Variants in NUAK1 observed in about 807,000 individuals in gnomAD.
NUAK1 encodes NUAK family SNF1-like kinase 1.
Under a neutral mutation model 56.9 loss-of-function variants are expected in NUAK1, and 26 were observed. That is an observed-to-expected ratio of 0.46 (90% CI 0.33 to 0.63). The LOEUF is 0.63. NUAK1 is among the 30% of genes least tolerant of loss of function. The pLI is 0.02. For synonymous variants in NUAK1, 337 were observed against 336.0 expected (o/e 1.00, Z -0.03); for missense variants, 727 against 876.1 (o/e 0.83, Z 2.15).
intron 1 of NUAK1, among the ~76,000 whole-genome samples, chr12:106,134,751 C>A (rs1592865921): frequency 1.3e-5 from 2 of 152,148 alleles, no homozygotes. Flanking sequence ...AGAGGCTCAC[C>A]CAGTAGGCCT....
chr12:106,123,398 T>G (rs1170887166), intron 1 of NUAK1, among the ~76,000 whole-genome samples: 1 of 152,212 alleles, frequency 6.6e-6, no homozygotes, highest in Non-Finnish European at 1.5e-5. Context: ...TACTGGGCAC[T>G]TGAAATGTGG....
intron 5 of NUAK1, among the ~76,000 whole-genome samples, chr12:106,072,168 A>G (rs1379308298): frequency 6.6e-6 from 1 of 150,890 alleles, no homozygotes; most frequent in Non-Finnish European, 1.5e-5. Flanking sequence ...TACAAAAAAG[A>G]TATTTACCCC....
At chr12:106,081,414 G>A (rs1415009758) in intron 4 of NUAK1, among the ~76,000 whole-genome samples, 3 of 152,210 alleles carry the variant, frequency 2.0e-5, no homozygotes, top group Non-Finnish European at 2.9e-5. Flanking sequence ...TCTTTGGGAC[G>A]TATGTGTGCA....
chr12:106,092,350 C>G (rs1346375346), intron 2 of NUAK1, among the ~76,000 whole-genome samples: 1 of 152,042 alleles, frequency 6.6e-6, no homozygotes, highest in African/African-American at 2.4e-5. Context: ...AACCCCGTCT[C>G]TACTAAATAT....
intron 1 of NUAK1, among the ~76,000 whole-genome samples, chr12:106,114,411 G>C (rs2032896134): frequency 6.6e-6 from 1 of 152,202 alleles, no homozygotes; most frequent in Admixed American, 6.5e-5. Context: ...TGCAAATGAG[G>C]ATGATGATGG....
At position 106,138,298 on chromosome 12, in the gene NUAK1, G is replaced by A; in HGVS notation, c.240+116C>T. The A allele has an allele frequency of 7.3e-7, 1 of 1,366,260 alleles. No individual in the cohort carries two copies. The highest frequency in any genetic ancestry group is 9.7e-7 in the Non-Finnish European group (1 of 1,033,716). 84.6% of individuals were successfully genotyped at this position (1,366,260 alleles called of 1,614,324 possible). A position where few individuals can be genotyped will look rare whatever the true frequency, so the allele number is the denominator to read the frequency against. Reference sequence around the variant, plus strand: ...GGAGTCTGTCTCGGGGCTTCCCAATGAGCCCCCTCTCTGTCAAGAGAGCCC... The same window carrying A: ...GGAGTCTGTCTCGGGGCTTCCCAATAAGCCCCCTCTCTGTCAAGAGAGCCC... On this transcript the variant is annotated intron_variant, in intron 1 of 6. Transcript: ENST00000261402. The surrounding 1 kb of genome is among the most constrained non-coding windows in gnomAD (Gnocchi z 5.0).
intron 4 of NUAK1, among the ~76,000 whole-genome samples, chr12:106,076,666 G>T (rs1357761847): frequency 6.6e-6 from 1 of 152,204 alleles, no homozygotes; most frequent in Non-Finnish European, 1.5e-5. Flanking sequence ...AAATGAGGAA[G>T]TAATTATTCA....
rs1214115854 is a variant in NUAK1 at position 106,067,762 on chromosome 12, C to G, written c.1026G>C (p.Gln342His). ...CCTTCATTTTGGCTTCGGTGTCAGCCTGCAGCCCTGTGGAACGGTGGTGCC... is the reference window on the plus strand; with the variant it reads ...CCTTCATTTTGGCTTCGGTGTCAGCGTGCAGCCCTGTGGAACGGTGGTGCC... ...IDWHHRSTGL[Q>H]ADTEAKMKGL... The change falls in exon 7 of 7, where the codon CAG becomes CAC. Residue 342 changes from glutamine (Q) to histidine (H), a missense_variant. Coordinates refer to ENST00000261402, the MANE Select transcript of NUAK1 (RefSeq NM_014840.3). This position sits in a 1 kb window ranked among gnomAD's most constrained non-coding sequence, Gnocchi z 6.0. The G allele has an allele frequency of 6.2e-7, 1 of 1,614,198 alleles. No individual in the cohort carries two copies.
chr12:106,109,805 G>A (rs1380113008), intron 1 of NUAK1, among the ~76,000 whole-genome samples: 1 of 152,138 alleles, frequency 6.6e-6, no homozygotes, highest in African/African-American at 2.4e-5. Context: ...GTCCTGGTAA[G>A]GATTACACAT....
rs1158753070 is a variant in NUAK1, at chr12:106,063,402, G to A, written c.*3400C>T. Reference sequence around the variant, plus strand: ...TAAAAACAGAAACAAAAACCAAAATGAAACAAAAATCAGTTTCCAACGAAA... The same window carrying A: ...TAAAAACAGAAACAAAAACCAAAATAAAACAAAAATCAGTTTCCAACGAAA... On this transcript the variant is annotated 3_prime_UTR_variant, in exon 7 of 7. Coordinates refer to ENST00000261402, the MANE Select transcript of NUAK1 (RefSeq NM_014840.3). The A allele has an allele frequency of 1.3e-5, 2 of 152,448 alleles. No homozygotes were observed. The highest frequency in any genetic ancestry group is 2.9e-5 in the Non-Finnish European group (2 of 68,006). 9.4% of individuals were successfully genotyped at this position (152,448 alleles called of 1,614,324 possible).
rs762437030 is a variant in NUAK1, at chr12:106,067,967, G to A, written c.833-12C>T. 1 of 1,585,746 alleles carries A rather than the reference G, an allele frequency of 6.3e-7. No individual in the cohort carries two copies. ...GAGTCCTCGAGCATCTAAGGGACAA[G>A]GGACAAAAAGAATCGGGCATTATGT... On this transcript the variant is annotated splice_polypyrimidine_tract_variant and intron_variant, in intron 6 of 6. Transcript: ENST00000261402. This position sits in a 1 kb window ranked among gnomAD's most constrained non-coding sequence, Gnocchi z 6.0.
In NUAK1 at chr12:106,138,603, C is replaced by T; in HGVS notation, c.51G>A (p.Leu17=). ...PVAGDRPDLG[L]GAPGSPREAV... is the part of the protein sequence containing the mutation. ...CCTCTCGGGGAGAGCCCGGCGCCCC[C>T]AGCCCCAAGTCGGGGCGGTCCCCCG... is the stretch of plus-strand genomic sequence containing the variant. The change falls in exon 1 of 7, where the codon CTG becomes CTA. Residue 17 remains leucine (L), a synonymous_variant. Coordinates refer to ENST00000261402, the MANE Select transcript of NUAK1 (RefSeq NM_014840.3). This position sits in a 1 kb window ranked among gnomAD's most constrained non-coding sequence, Gnocchi z 5.0. 6.4e-7 allele frequency: 1 copy of T among 1,565,334 alleles called. No individual in the cohort carries two copies.
intron 4 of NUAK1, among the ~76,000 whole-genome samples, chr12:106,077,659 CCCCACTCCAATCTGG>C (rs951742729): frequency 1.3e-5 from 2 of 152,182 alleles, no homozygotes; most frequent in African/African-American, 4.8e-5. Flanking sequence ...GATAATCCCA[CCCCACTCCAATCTGG>C]CCCACGGACC....
At chr12:106,098,984 G>T (rs2556521) in intron 2 of NUAK1, among the ~76,000 whole-genome samples, 40 of 152,214 alleles carry the variant, frequency 2.6e-4, no homozygotes, top group Non-Finnish European at 4.4e-4. Context: ...TGGAAACAGG[G>T]GTCCCTCTTT....
At chr12:106,091,460 T>C (rs1241285464) in intron 2 of NUAK1, among the ~76,000 whole-genome samples, 1 of 151,926 alleles carries the variant, frequency 6.6e-6, no homozygotes, top group Non-Finnish European at 1.5e-5. Flanking sequence ...GAAAGAAGAC[T>C]TTTCCCAGTT....
intron 1 of NUAK1, among the ~76,000 whole-genome samples, chr12:106,119,412 G>A (rs537661783): frequency 1.3e-5 from 2 of 152,184 alleles, no homozygotes; most frequent in Non-Finnish European, 2.9e-5. Context: ...AAGACTTTGG[G>A]GAATGGAAAT....
chr12:106,076,802 C>T lies in NUAK1; in HGVS notation c.580-3959G>A, dbSNP rs577786177. ...ATGTACATGAGGTCCCTAGAGTAGT[C>T]GAATTCAGAGATGGAAAATAGAATG... On this transcript the variant is annotated intron_variant, in intron 4 of 6. Coordinates refer to ENST00000261402, the MANE Select transcript of NUAK1 (RefSeq NM_014840.3). Among the ~76,000 whole-genome samples, 33 of 152,114 alleles carry T rather than the reference C, an allele frequency of 2.2e-4. 1 individual carries two copies. The highest frequency in any genetic ancestry group is 2.1e-3 in the South Asian group (10 of 4,808).
chr12:106,133,140 G>A (rs1239284972), intron 1 of NUAK1, among the ~76,000 whole-genome samples: 2 of 152,028 alleles, frequency 1.3e-5, no homozygotes. Flanking sequence ...TACCAATCCT[G>A]CCCTCCCATT....
At chr12:106,118,463 G>T (rs1212180551) in intron 1 of NUAK1, among the ~76,000 whole-genome samples, 1 of 152,220 alleles carries the variant, frequency 6.6e-6, no homozygotes, top group Non-Finnish European at 1.5e-5. Flanking sequence ...GGAATGTAAA[G>T]CCTTGGGGGA....
Sources: gnomAD v4.1 joint callset for allele counts (sites outside exome capture counted in the v4.1 genomes callset) on GRCh38, gnomAD v4.1.1 for gene constraint, Gnocchi (gnomAD v3.1) non-coding constraint, MANE v1.5 for transcripts, NCBI Gene and HGNC (gene_info 2026-07-23, HGNC 2026-07-21) for gene names.